The following PHACTR3 variants were observed in gnomAD, a reference collection of about 807,000 sequenced individuals.
The protein encoded by PHACTR3 is protein phosphatase 1, regulatory subunit 123.
Under a neutral mutation model 66.8 loss-of-function variants are expected in PHACTR3, and 16 were observed. The observed-to-expected ratio is 0.24, with a 90% confidence interval of 0.16 to 0.36. The LOEUF (loss-of-function observed/expected upper bound fraction) is 0.36, where lower values mean the gene tolerates loss of function less well. PHACTR3 is among the 10% of genes least tolerant of loss of function. PHACTR3 has a pLI of 1.00. For missense variants in PHACTR3, 647 were observed against 719.9 expected (o/e 0.90, Z 1.16); for synonymous variants, 323 against 292.1 (o/e 1.11, Z -1.08).
chr20:59,637,612 C>T (rs185210945), intron 1 of PHACTR3, among the ~76,000 whole-genome samples: 1 of 152,074 alleles, frequency 6.6e-6, no homozygotes, highest in East Asian at 1.9e-4. Context: ...GTCATTGACT[C>T]CTGTCCCTAC....
intron 1 of PHACTR3, among the ~76,000 whole-genome samples, chr20:59,625,880 G>A (rs1451139937): frequency 6.6e-6 from 1 of 152,132 alleles, no homozygotes; most frequent in East Asian, 1.9e-4. Flanking sequence ...CTAGATCTGG[G>A]TGGCATTTGG....
exon 1 of PHACTR3, chr20:59,577,605 G>T: frequency 8.3e-7 from 1 of 1,209,584 alleles, no homozygotes; most frequent in Non-Finnish European, 1.0e-6. Flanking sequence ...CGCCGCCCGA[G>T]ATCCTGCGCA....
At chr20:59,670,605 T>TTGTGG (rs34824435) in intron 1 of PHACTR3, among the ~76,000 whole-genome samples, 4 of 47,126 alleles carry the variant, frequency 8.5e-5, no homozygotes, top group African/African-American at 1.9e-4. Context: ...CTGCCGGGGG[T>TTGTGG]GGGGGGGGGG....
Position 59,582,456 on chromosome 20 carries a change from C to T in PHACTR3, c.109+4839C>T, listed in dbSNP as rs1347208725. On this transcript the variant is annotated intron_variant, in intron 1 of 12. Coordinates refer to the PHACTR3 transcript ENST00000359926. ...CAAGTGTTTCTCTATAAGGCACATCCGAAGAATGGAACTCCTGGGGCTTAG... is the reference window on the plus strand; with the variant it reads ...CAAGTGTTTCTCTATAAGGCACATCTGAAGAATGGAACTCCTGGGGCTTAG... Among the ~76,000 whole-genome samples, 6 of 152,288 alleles carry T rather than the reference C, an allele frequency of 3.9e-5. No individual in the cohort carries two copies. In the South Asian group the frequency reaches 8.3e-4, roughly 21 times the overall value.
At chr20:59,692,777 G>A (rs2037160826) in intron 1 of PHACTR3, among the ~76,000 whole-genome samples, 1 of 152,026 alleles carries the variant, frequency 6.6e-6, no homozygotes, top group Non-Finnish European at 1.5e-5. Context: ...TATGACCTTG[G>A]GCAACTTACA....
chr20:59,789,005 T>C (rs1030037379), intron 7 of PHACTR3, among the ~76,000 whole-genome samples: 2 of 152,240 alleles, frequency 1.3e-5, no homozygotes, highest in Non-Finnish European at 2.9e-5. Flanking sequence ...CTTCTGCCTC[T>C]GGCCATGATG....
At chr20:59,836,702 T>C in intron 9 of PHACTR3, 142 bp downstream of exon 9, 1 of 766,124 alleles carries the variant, frequency 1.3e-6, no homozygotes. Flanking sequence ...TGCTGAATTC[T>C]GAAAGCAAGC....
At chr20:59,741,143 C>G (rs1291799795) in intron 1 of PHACTR3, among the ~76,000 whole-genome samples, 1 of 152,260 alleles carries the variant, frequency 6.6e-6, no homozygotes, top group South Asian at 2.1e-4. Flanking sequence ...CCACACCGTC[C>G]AGCCCTTCTC....
chr20:59,694,763 G>A (rs998307137), intron 1 of PHACTR3, among the ~76,000 whole-genome samples: 17 of 152,216 alleles, frequency 1.1e-4, no homozygotes, highest in African/African-American at 3.6e-4. Flanking sequence ...AGTTGTTCTA[G>A]TTTCAGCTGA....
intron 1 of PHACTR3, among the ~76,000 whole-genome samples, chr20:59,705,935 G>A (rs946713887): frequency 3.3e-5 from 5 of 152,188 alleles, no homozygotes; most frequent in South Asian, 4.1e-4. Flanking sequence ...GAGCCAAGTG[G>A]TGGATGAAGA....
chr20:59,607,821 G>C (rs2033718254), intron 1 of PHACTR3, among the ~76,000 whole-genome samples: 1 of 152,114 alleles, frequency 6.6e-6, no homozygotes, highest in African/African-American at 2.4e-5. Flanking sequence ...CACCCACACA[G>C]GATGCCAAGA....
chr20:59,591,626 C>T (rs1002408319), intron 1 of PHACTR3, among the ~76,000 whole-genome samples: 1 of 152,048 alleles, frequency 6.6e-6, no homozygotes, highest in Admixed American at 6.5e-5. Context: ...TGCAGTGCCA[C>T]TGGGGGAGAT....
At chr20:59,716,071 C>G (rs916182084) in intron 1 of PHACTR3, among the ~76,000 whole-genome samples, 2 of 152,034 alleles carry the variant, frequency 1.3e-5, no homozygotes, top group Non-Finnish European at 2.9e-5. Flanking sequence ...GTGTGCTGGC[C>G]CTGCCCCTCC....
chr20:59,718,114 CA>C (rs1202618357), intron 1 of PHACTR3, among the ~76,000 whole-genome samples: 3 of 152,196 alleles, frequency 2.0e-5, no homozygotes, highest in African/African-American at 7.2e-5. Flanking sequence ...CTTTCTTCCC[CA>C]AACCTTGTCA....
chr20:59,772,252 G>A (rs2040385682), intron 5 of PHACTR3, among the ~76,000 whole-genome samples: 1 of 152,198 alleles, frequency 6.6e-6, no homozygotes, highest in African/African-American at 2.4e-5. Flanking sequence ...GAAGGAGGGG[G>A]TGTCCCACTC....
intron 8 of PHACTR3, among the ~76,000 whole-genome samples, chr20:59,819,898 C>T (rs1304032729): frequency 6.6e-6 from 1 of 152,258 alleles, no homozygotes; most frequent in East Asian, 1.9e-4. Context: ...ATGCAGGGCT[C>T]TGCCATCTAT....
At chr20:59,787,496 G>A (rs752240643) in intron 7 of PHACTR3, among the ~76,000 whole-genome samples, 1 of 152,224 alleles carries the variant, frequency 6.6e-6, no homozygotes, top group South Asian at 2.1e-4. Flanking sequence ...GTGCAGCCTT[G>A]TCTACTATGC....
At chr20:59,811,917 G>T (rs1442285900) in intron 8 of PHACTR3, among the ~76,000 whole-genome samples, 1 of 152,190 alleles carries the variant, frequency 6.6e-6, no homozygotes, top group Non-Finnish European at 1.5e-5. Context: ...TTCCACATTG[G>T]TCCCTGAAGA....
rs1219913765 is a variant in PHACTR3 at position 59,743,321 on chromosome 20, G to A, written c.280+53G>A. ...GGCTGTGGCTGGGACCAGCGTCCTT[G>A]GCATGGTGCTGCGGCCCCTGCTGAT... On this transcript the variant is annotated intron_variant, in intron 2 of 12. Transcript: ENST00000371015. 3.7e-6 allele frequency: 6 copies of A among 1,601,730 alleles called. No homozygotes were observed. The East Asian group carries it at 1.1e-4, about 30-fold the overall frequency.
Sources: allele counts gnomAD v4.1 joint callset (sites outside exome capture counted in the v4.1 genomes callset), GRCh38; gene constraint gnomAD v4.1.1; transcripts MANE v1.5; gene names NCBI Gene and HGNC (gene_info 2026-07-23, HGNC 2026-07-21).